The following CAPRIN2 variants were observed in gnomAD, a reference collection of about 807,000 sequenced individuals.
CAPRIN2 encodes the protein caprin family member 2, also known as caprin-2.
CAPRIN2 carries 66 observed loss-of-function variants against 130.4 expected under a neutral mutation model. That is an observed-to-expected ratio of 0.51 (90% CI 0.42 to 0.62). The LOEUF is 0.62. CAPRIN2 is among the 20% of genes least tolerant of loss of function. The pLI is 0.00. For synonymous variants in CAPRIN2, 471 were observed against 444.1 expected (o/e 1.06, Z -0.76); for missense variants, 1,185 against 1,246.6 (o/e 0.95, Z 0.74).
rs142335062 is a variant in CAPRIN2, at chr12:30,738,068, T to A, written c.571-2862A>T. Among the ~76,000 whole-genome samples, 352 of 152,108 alleles carry A rather than the reference T, an allele frequency of 2.3e-3. 4 individuals are homozygous for A. The highest frequency in any genetic ancestry group is 8.2e-3 in the African/African-American group (340 of 41,496). ...CTGCAAAACTGGCTATCATAGAACA[T>A]GTCTGACAAAAGAAAAACTTAAAAG... On this transcript the variant is annotated intron_variant, in intron 3 of 16. Coordinates refer to ENST00000298892, the Ensembl canonical transcript of CAPRIN2.
intron 3 of CAPRIN2, among the ~76,000 whole-genome samples, chr12:30,735,793 T>C (rs1461259036): frequency 6.6e-6 from 1 of 152,208 alleles, no homozygotes; most frequent in Admixed American, 6.5e-5. Flanking sequence ...TGGACAGAGC[T>C]ACATCCTCCA....
chr12:30,711,018 C>A (rs1040513884), intron 16 of CAPRIN2, among the ~76,000 whole-genome samples: 9 of 152,116 alleles, frequency 5.9e-5, no homozygotes, highest in Admixed American at 2.0e-4. Flanking sequence ...CACACTAAGG[C>A]AAAGGCAAAT....
chr12:30,730,010 T>C (rs1031558498), intron 7 of CAPRIN2, among the ~76,000 whole-genome samples: 10 of 152,178 alleles, frequency 6.6e-5, no homozygotes, highest in Non-Finnish European at 1.0e-4. Flanking sequence ...TCAACCTCTT[T>C]AATCCTCACA....
intron 3 of CAPRIN2, among the ~76,000 whole-genome samples, chr12:30,738,634 G>C (rs1259478997): frequency 6.6e-6 from 1 of 152,150 alleles, no homozygotes; most frequent in East Asian, 1.9e-4. Flanking sequence ...TACAGAATGG[G>C]AGAAAACTTT....
intron 10 of CAPRIN2, among the ~76,000 whole-genome samples, 180 bp from the exon 12 acceptor site, chr12:30,723,494 A>C (rs1178801559): frequency 6.6e-6 from 1 of 152,252 alleles, no homozygotes; most frequent in African/African-American, 2.4e-5. Flanking sequence ...AAGAATAGAA[A>C]ATACTAGTTC....
chr12:30,713,635 A>G, intron 15 of CAPRIN2, 150 bp downstream of exon 17: 4 of 487,908 alleles, frequency 8.2e-6, no homozygotes, highest in Non-Finnish European at 1.1e-5. Context: ...AAAACTTCCA[A>G]CTCAACTCTT....
intron 1 of CAPRIN2, chr12:30,751,523 AC>A (rs1006097294): frequency 8.6e-5 from 19 of 222,010 alleles, no homozygotes; most frequent in African/African-American, 3.6e-4. Flanking sequence ...GGTTATCACA[AC>A]TTGGGAGGGG....
chr12:30,731,158 C>T lies in CAPRIN2; in HGVS notation c.1060+185G>A, dbSNP rs17739338. Among the ~76,000 whole-genome samples the T allele has an allele frequency of 0.06, 9,075 of 152,154 alleles. 354 individuals carry two copies. Among genetic ancestry groups the T allele is most frequent in the Middle Eastern group, 0.12 (36 of 294 alleles). On this transcript the variant is annotated intron_variant, in intron 6 of 16. Transcript: ENST00000298892. Reference sequence around the variant, plus strand: ...ATTAATATTTCTAATAAGTTTCACTCGGTAAATCATGGTGATAAAGCCTAG... The same window carrying T: ...ATTAATATTTCTAATAAGTTTCACTTGGTAAATCATGGTGATAAAGCCTAG...
chr12:30,747,435 T>A (rs1200089417), intron 2 of CAPRIN2, among the ~76,000 whole-genome samples: 1 of 152,176 alleles, frequency 6.6e-6, no homozygotes, highest in Non-Finnish European at 1.5e-5. Flanking sequence ...CCCAGCACTT[T>A]GGGAGGCCGA....
At chr12:30,753,318 T>C (rs2074893921) in intron 1 of CAPRIN2, 26 bp downstream of exon 2, 2 of 1,572,396 alleles carry the variant, frequency 1.3e-6, no homozygotes, top group South Asian at 1.2e-5. Context: ...ATCATGCATC[T>C]ACAGGACTGG....
chr12:30,726,487 T>C (rs972834020), intron 8 of CAPRIN2, among the ~76,000 whole-genome samples: 5 of 152,168 alleles, frequency 3.3e-5, no homozygotes, highest in African/African-American at 1.2e-4. Flanking sequence ...TTTTAAGATG[T>C]ATCTGATTTC....
At chr12:30,720,961 C>A in intron 11 of CAPRIN2, 46 bp from the exon 13 acceptor site, 1 of 1,360,688 alleles carries the variant, frequency 7.3e-7, no homozygotes, top group South Asian at 1.2e-5. Context: ...ACATTTTGTT[C>A]ACTTTATATT....
intron 12 of CAPRIN2, 185 bp from the exon 14 acceptor site, chr12:30,719,410 G>T: frequency 1.6e-6 from 1 of 607,878 alleles, no homozygotes; most frequent in Non-Finnish European, 2.8e-6. Flanking sequence ...ACCAGTATTT[G>T]CTTTGCACAG....
chr12:30,741,142 C>T (rs2067262802), intron 2 of CAPRIN2, 36 bp from the exon 4 acceptor site: 1 of 1,236,064 alleles, frequency 8.1e-7, no homozygotes, highest in East Asian at 2.3e-5. Flanking sequence ...AATTTTGTGA[C>T]TGTTTAAGTA....
chr12:30,714,121 G>A (rs1815377322), intron 14 of CAPRIN2, among the ~76,000 whole-genome samples: 1 of 152,178 alleles, frequency 6.6e-6, no homozygotes, highest in South Asian at 2.1e-4. Context: ...GCAAGGTGGG[G>A]TTGGGAAAGG....
At chr12:30,752,657 G>A (rs1445299982) in intron 1 of CAPRIN2, among the ~76,000 whole-genome samples, 1 of 151,112 alleles carries the variant, frequency 6.6e-6, no homozygotes, top group Non-Finnish European at 1.5e-5. Flanking sequence ...GGTCTAACTA[G>A]GTCTTGGCAC....
At chr12:30,713,571 CT>C (rs1384080021) in intron 15 of CAPRIN2, among the ~76,000 whole-genome samples, 51 of 152,278 alleles carry the variant, frequency 3.3e-4, no homozygotes, top group Middle Eastern at 6.8e-3. Flanking sequence ...TCCTTAACAC[CT>C]TCTAAGTTCC....
At chr12:30,742,496 A>C (rs1464622753) in intron 2 of CAPRIN2, among the ~76,000 whole-genome samples, 1 of 150,402 alleles carries the variant, frequency 6.6e-6, no homozygotes, top group Non-Finnish European at 1.5e-5. Flanking sequence ...CTTCAGTGAC[A>C]AAAAAAAACC....
chr12:30,709,781 C>A, exon 17 of CAPRIN2: 1 of 1,145,144 alleles, frequency 8.7e-7, no homozygotes. Context: ...AAGTAAGGAC[C>A]TCCTCCCTCT....
Sources: gnomAD v4.1 joint callset for allele counts (sites outside exome capture counted in the v4.1 genomes callset) on GRCh38, gnomAD v4.1.1 for gene constraint, MANE v1.5 for transcripts, NCBI Gene and HGNC (gene_info 2026-07-23, HGNC 2026-07-21) for gene names.